The following OSBPL5 variants were observed in gnomAD, a reference collection of about 807,000 sequenced individuals.
OSBPL5 encodes the protein oxysterol-binding protein-related protein 5.
A neutral mutation model predicts 111.2 loss-of-function variants in OSBPL5; 71 were observed. That is an observed-to-expected ratio of 0.64 (90% CI 0.53 to 0.78). The LOEUF is 0.78. OSBPL5 is among the 30% of genes least tolerant of loss of function. OSBPL5 has a pLI of 0.00. For synonymous variants in OSBPL5, 549 were observed against 513.9 expected (o/e 1.07, Z -0.93); for missense variants, 1,210 against 1,189.3 (o/e 1.02, Z -0.26).
At chr11:3,143,289 C>T (rs926615676) in intron 1 of OSBPL5, among the ~76,000 whole-genome samples, 4 of 151,526 alleles carry the variant, frequency 2.6e-5, no homozygotes, top group African/African-American at 7.3e-5. Flanking sequence ...CAGCCCAGTG[C>T]GTGGACCAGC....
chr11:3,101,056 C>T (rs1425803735), intron 13 of OSBPL5, among the ~76,000 whole-genome samples: 3 of 150,732 alleles, frequency 2.0e-5, no homozygotes, highest in Non-Finnish European at 4.4e-5. Context: ...CTCACTGCAA[C>T]CTCCACCTCC....
chr11:3,097,177 G>A (rs2134396738), intron 14 of OSBPL5, among the ~76,000 whole-genome samples: 1 of 151,290 alleles, frequency 6.6e-6, no homozygotes, highest in Admixed American at 6.6e-5. Flanking sequence ...AGAAAGAGGG[G>A]CATTTGTCGA....
intron 1 of OSBPL5, among the ~76,000 whole-genome samples, chr11:3,156,190 G>A (rs189578602): frequency 2.0e-5 from 3 of 152,196 alleles, no homozygotes; most frequent in Admixed American, 6.5e-5. Context: ...TCAGTCCCCC[G>A]GGAGAGTGCC....
Position 3,112,478 on chromosome 11 carries a change from CT to C in OSBPL5, c.692-4534del, listed in dbSNP as rs559601032. 1.9e-3 allele frequency among the ~76,000 whole-genome samples: 212 copies of C among 108,778 alleles called. 1 individual carries two copies. Among genetic ancestry groups the C allele is most frequent in the East Asian group, 0.012 (36 of 2,924 alleles). The allele number at this position is 108,778 out of a possible 152,430, so 71.4% of individuals were successfully genotyped here. ...TGTAACCTGTTTTGTGTTTTCTTTT[CT>C]TTTTTTTTTTTTTTTTGACTAAAGT... On this transcript the variant is annotated intron_variant, in intron 7 of 21. Transcript: ENST00000263650.
chr11:3,140,045 C>T lies in OSBPL5; in HGVS notation c.-21-10876G>A, dbSNP rs557324147. Among the ~76,000 whole-genome samples, 23 of 152,348 alleles carry T rather than the reference C, an allele frequency of 1.5e-4. No individual in the cohort carries two copies. Among genetic ancestry groups the T allele is most frequent in the African/African-American group, 4.6e-4 (19 of 41,586 alleles). The stretch of plus-strand genomic sequence containing the variant: ...CATCGCAAGCTCTGGGCCCACTGCT[C>T]GGCTGTGCAGCCTGGGAGGGGGGTG... On this transcript the variant is annotated intron_variant, in intron 1 of 21. Coordinates refer to ENST00000263650, the MANE Select transcript of OSBPL5 (RefSeq NM_020896.4). This position sits in a 1 kb window ranked among gnomAD's most constrained non-coding sequence, Gnocchi z 4.5.
chr11:3,106,228 G>A lies in OSBPL5; in HGVS notation c.1059+1035C>T, dbSNP rs991050294. ...GGAGCCCCCTCTGTCCCTGTGCAGA[G>A]CAAGATGCGAACACGACGCTGTCCA... On this transcript the variant is annotated intron_variant, in intron 9 of 21. Transcript: ENST00000263650. This position sits in a 1 kb window ranked among gnomAD's most constrained non-coding sequence, Gnocchi z 8.4. 3.3e-5 allele frequency among the ~76,000 whole-genome samples: 5 copies of A among 152,076 alleles called. No homozygotes were observed. The highest frequency in any genetic ancestry group is 5.9e-5 in the Non-Finnish European group (4 of 67,994).
At chr11:3,098,705 A>G (rs560721649) in intron 14 of OSBPL5, among the ~76,000 whole-genome samples, 3 of 151,854 alleles carry the variant, frequency 2.0e-5, no homozygotes, top group Non-Finnish European at 4.4e-5. Context: ...GAGATTCTCC[A>G]TGTTCGTCAG....
intron 14 of OSBPL5, among the ~76,000 whole-genome samples, chr11:3,096,129 T>C (rs1462666612): frequency 6.6e-6 from 1 of 152,080 alleles, no homozygotes; most frequent in Non-Finnish European, 1.5e-5. Context: ...ATCAAGGAGA[T>C]GTAAACATAG....
chr11:3,122,114 C>A lies in OSBPL5; in HGVS notation c.301-16G>T, dbSNP rs1161414187. The A allele has an allele frequency of 1.3e-6, 2 of 1,548,774 alleles. No homozygotes were observed. The highest frequency in any genetic ancestry group is 1.7e-6 in the Non-Finnish European group (2 of 1,152,082). The stretch of plus-strand genomic sequence containing the variant: ...CCTTCTGCGCCTGGGCCCGGGGCAC[C>A]CGCGGTGGGTCATGGGAGAAGGCAC... On this transcript the variant is annotated splice_polypyrimidine_tract_variant and intron_variant, in intron 4 of 21. Coordinates refer to ENST00000263650, the MANE Select transcript of OSBPL5 (RefSeq NM_020896.4).
At chr11:3,149,325 T>G (rs1177953938) in intron 1 of OSBPL5, among the ~76,000 whole-genome samples, 1 of 152,176 alleles carries the variant, frequency 6.6e-6, no homozygotes, top group African/African-American at 2.4e-5. Flanking sequence ...GCAGTCGCCC[T>G]TTGGGAGACC....
chr11:3,103,756 GCTCTGCAGC>G (rs1564829833), intron 10 of OSBPL5, among the ~76,000 whole-genome samples: 1,540 of 56,694 alleles, frequency 0.027, 31 homozygotes, highest in African/African-American at 0.05. Context: ...CCCTCTTCCA[GCTCTGCAGC>G]CCCCTTCCAG....
rs1338626914 is a variant in OSBPL5, at chr11:3,092,375, G to T, written c.2259+57C>A. 1.7e-5 allele frequency: 26 copies of T among 1,509,714 alleles called. No individual in the cohort carries two copies. The highest frequency in any genetic ancestry group is 2.1e-5 in the Admixed American group (1 of 48,628). The allele number at this position is 1,509,714 out of a possible 1,614,324, so 93.5% of individuals were successfully genotyped here. On this transcript the variant is annotated intron_variant, in intron 19 of 21. Transcript: ENST00000263650. The surrounding 1 kb of genome is among the most constrained non-coding windows in gnomAD (Gnocchi z 5.4). ...GGAGTGAGGTGAGGAGCGAGGGGTG[G>T]TGGTGGCCACACGTGCAGCTAAGAC...
rs138995059 is a variant in OSBPL5 at position 3,105,114 on chromosome 11, G to A, written c.1060-737C>T. Among the ~76,000 whole-genome samples, 4 of 152,222 alleles carry A rather than the reference G, an allele frequency of 2.6e-5. No individual in the cohort carries two copies. In the East Asian group the frequency reaches 7.7e-4, roughly 29 times the overall value. On this transcript the variant is annotated intron_variant, in intron 9 of 21. Transcript: ENST00000263650. This position sits in a 1 kb window ranked among gnomAD's most constrained non-coding sequence, Gnocchi z 5.2. ...ACTTGCACCTCACCGCAGCCCCAGG[G>A]AACGGGGACCCTGGTCCTCCCCCTC...
rs114675523 is a variant in OSBPL5 at position 3,106,012 on chromosome 11, G to A, written c.1059+1251C>T. On this transcript the variant is annotated intron_variant, in intron 9 of 21. Transcript: ENST00000263650. The surrounding 1 kb of genome is among the most constrained non-coding windows in gnomAD (Gnocchi z 8.4). ...TCCACCCCCGCCCCTCGGCTGTCCC[G>A]AGGCCCTTGCCTAACCCGCCGGTGG... is the stretch of plus-strand genomic sequence containing the variant. Among the ~76,000 whole-genome samples, 3,670 of 152,090 alleles carry A rather than the reference G, an allele frequency of 0.024. 142 individuals carry two copies. Among genetic ancestry groups the A allele is most frequent in the African/African-American group, 0.082 (3,390 of 41,476 alleles).
chr11:3,132,880 A>T (rs889798049), intron 1 of OSBPL5, among the ~76,000 whole-genome samples: 2 of 152,198 alleles, frequency 1.3e-5, no homozygotes, highest in Admixed American at 6.5e-5. Flanking sequence ...CAAGGCAGGG[A>T]CACGCGGTAG....
intron 4 of OSBPL5, 80 bp from the exon 5 acceptor site, chr11:3,122,178 TG>T (rs1858441843): frequency 6.9e-7 from 1 of 1,440,550 alleles, no homozygotes; most frequent in Non-Finnish European, 9.4e-7. Context: ...AGCCCAGGGA[TG>T]GGTCCAGGGG....
At chr11:3,102,400 G>T in intron 11 of OSBPL5, 119 bp from the exon 12 acceptor site, 1 of 873,926 alleles carries the variant, frequency 1.1e-6, no homozygotes. Flanking sequence ...CTGCTGGCCT[G>T]GTTTGCTGCT....
chr11:3,152,777 G>C (rs1223945954), intron 1 of OSBPL5, among the ~76,000 whole-genome samples: 1 of 152,226 alleles, frequency 6.6e-6, no homozygotes, highest in African/African-American at 2.4e-5. Flanking sequence ...ATCCACACTG[G>C]ATGTTGAGCG....
At chr11:3,090,500 C>A (rs1259654738) in intron 20 of OSBPL5, 58 bp downstream of exon 20, 5 of 1,581,406 alleles carry the variant, frequency 3.2e-6, no homozygotes, top group Non-Finnish European at 3.5e-6. Flanking sequence ...CCAGCCAGGT[C>A]AGCATCTGAG....
Sources: allele counts gnomAD v4.1 joint callset (sites outside exome capture counted in the v4.1 genomes callset), GRCh38; gene constraint gnomAD v4.1.1; non-coding constraint Gnocchi (gnomAD v3.1); transcripts MANE v1.5; gene names NCBI Gene and HGNC (gene_info 2026-07-23, HGNC 2026-07-21).